Variants in WWOX observed in about 807,000 individuals in gnomAD.
WWOX encodes the protein WW domain-containing oxidoreductase.
A neutral mutation model predicts 46.2 loss-of-function variants in WWOX; 69 were observed. That is an observed-to-expected ratio of 1.49 (90% CI 1.23 to 1.82). The LOEUF (loss-of-function observed/expected upper bound fraction) is 1.82. WWOX is among the 40% of genes most tolerant of loss of function. The pLI is 0.00. For missense variants in WWOX, 919 were observed against 542.6 expected, an observed-to-expected ratio of 1.69 and a Z score of -6.89; for synonymous variants, 359 against 202.6, an observed-to-expected ratio of 1.77 and a Z score of -6.56.
At chr16:78,460,232 A>C (rs1223198416) in intron 8 of WWOX, among the ~76,000 whole-genome samples, 2 of 151,744 alleles carry the variant, frequency 1.3e-5, no homozygotes, top group African/African-American at 2.4e-5. Context: ...GATTCAAGAG[A>C]TTCTTGTGCC....
At chr16:79,199,125 C>T (rs552292752) in intron 8 of WWOX, among the ~76,000 whole-genome samples, 83 of 152,284 alleles carry the variant, frequency 5.5e-4, no homozygotes, top group African/African-American at 2.0e-3. Context: ...TGCAGTGGTG[C>T]AATCTTGGCT....
intron 5 of WWOX, among the ~76,000 whole-genome samples, chr16:78,233,310 TTTA>T (rs2037328734): frequency 8.1e-6 from 1 of 123,128 alleles, no homozygotes; most frequent in Non-Finnish European, 1.7e-5. Context: ...AAACAAATAT[TTTA>T]TTGTGGTAAA....
intron 5 of WWOX, among the ~76,000 whole-genome samples, chr16:78,258,966 G>A (rs2038206726): frequency 2.0e-5 from 3 of 152,264 alleles, no homozygotes; most frequent in Admixed American, 6.5e-5. Context: ...ACTAGTGCTC[G>A]CATATGGAAA....
chr16:79,194,270 T>C (rs889961446), intron 8 of WWOX, among the ~76,000 whole-genome samples: 3 of 152,214 alleles, frequency 2.0e-5, no homozygotes, highest in South Asian at 2.1e-4. Flanking sequence ...TGGATTGATA[T>C]ATTTTTCCTT....
At chr16:78,110,401 T>A (rs1183302818) in intron 3 of WWOX, among the ~76,000 whole-genome samples, 4 of 151,952 alleles carry the variant, frequency 2.6e-5, no homozygotes, top group Admixed American at 2.6e-4. Context: ...AACCTGCTTT[T>A]TCCATGTAAT....
At chr16:79,068,772 C>T (rs1597344213) in intron 8 of WWOX, among the ~76,000 whole-genome samples, 1 of 151,254 alleles carries the variant, frequency 6.6e-6, no homozygotes, top group Admixed American at 6.6e-5. Context: ...GACCTCACCA[C>T]TGCCCTGCAG....
chr16:78,100,165 C>A, intron 1 of WWOX: 3 of 1,290,404 alleles, frequency 2.3e-6, no homozygotes, highest in South Asian at 4.0e-5. Context: ...GCGGCCTCAT[C>A]CCCGCCAAAA....
At chr16:78,187,685 G>A (rs188029633) in intron 5 of WWOX, among the ~76,000 whole-genome samples, 47 of 152,336 alleles carry the variant, frequency 3.1e-4, no homozygotes, top group African/African-American at 1.1e-3. Context: ...ACTAGAAGGT[G>A]TGACATTGTG....
At chr16:78,554,560 G>C (rs961357860) in intron 8 of WWOX, among the ~76,000 whole-genome samples, 6 of 152,064 alleles carry the variant, frequency 3.9e-5, no homozygotes, top group African/African-American at 1.4e-4. Context: ...TACATATATT[G>C]TATGATACAT....
chr16:78,876,288 C>G (rs928337083), intron 8 of WWOX, among the ~76,000 whole-genome samples: 4 of 151,204 alleles, frequency 2.6e-5, no homozygotes, highest in Non-Finnish European at 5.9e-5. Flanking sequence ...ACCCATTGTA[C>G]TTTAGTCTAA....
intron 7 of WWOX, among the ~76,000 whole-genome samples, chr16:78,430,091 G>T (rs112234669): frequency 1.2e-4 from 18 of 152,170 alleles, no homozygotes; most frequent in African/African-American, 4.1e-4. Context: ...CACATGGCTG[G>T]GGAGGCCTCA....
chr16:78,596,010 A>C (rs560483232), intron 8 of WWOX, among the ~76,000 whole-genome samples: 1 of 152,328 alleles, frequency 6.6e-6, no homozygotes, highest in African/African-American at 2.4e-5. Flanking sequence ...GAGTGGGAAA[A>C]ATACTAAATG....
chr16:79,185,570 A>G (rs1029059571), intron 8 of WWOX, among the ~76,000 whole-genome samples: 4 of 152,148 alleles, frequency 2.6e-5, no homozygotes, highest in African/African-American at 9.7e-5. Flanking sequence ...AGCTCGCCGC[A>G]CAGATCTCAT....
chr16:79,112,211 A>T (rs1050149795), intron 8 of WWOX, among the ~76,000 whole-genome samples: 1 of 152,144 alleles, frequency 6.6e-6, no homozygotes, highest in African/African-American at 2.4e-5. Flanking sequence ...ATACATGCCA[A>T]ACAGACTCTT....
At position 78,342,284 on chromosome 16, in the gene WWOX, G is replaced by T. The variant is rs766928939; in HGVS notation, c.517-44576G>T. Among the ~76,000 whole-genome samples the T allele has an allele frequency of 2.5e-5, 3 of 120,520 alleles. 1 individual carries two copies. The highest frequency in any genetic ancestry group is 2.5e-4 in the South Asian group (1 of 4,062). The allele number at this position is 120,520 out of a possible 152,430, so 79.1% of individuals were successfully genotyped here. A position where few individuals can be genotyped will look rare whatever the true frequency, so the allele number is the denominator to read the frequency against. ...GTCTCATTATCTTCATACAACAAAC[G>T]CTGATTTGTTCCTTTCATTACATAT... On this transcript the variant is annotated intron_variant, in intron 5 of 8. Transcript: ENST00000566780.
intron 8 of WWOX, among the ~76,000 whole-genome samples, chr16:78,478,317 C>T (rs373978968): frequency 4.6e-5 from 7 of 152,158 alleles, no homozygotes; most frequent in Non-Finnish European, 7.4e-5. Flanking sequence ...TCTTCTCAGA[C>T]GGTTTAAAAT....
chr16:78,810,037 T>A (rs2051146005), intron 8 of WWOX, among the ~76,000 whole-genome samples: 1 of 152,192 alleles, frequency 6.6e-6, no homozygotes, highest in Non-Finnish European at 1.5e-5. Flanking sequence ...TGTTGAAGTT[T>A]CCATTTTTAT....
intron 5 of WWOX, among the ~76,000 whole-genome samples, chr16:78,316,821 C>G (rs546452942): frequency 1.3e-5 from 2 of 152,202 alleles, no homozygotes; most frequent in Non-Finnish European, 2.9e-5. Context: ...TTTTTCAATG[C>G]TGCTTTTTAA....
chr16:78,917,150 C>G lies in WWOX; in HGVS notation c.1057-294458C>G, dbSNP rs147486000. On this transcript the variant is annotated intron_variant, in intron 8 of 8. Transcript: ENST00000566780. ...ACGTGGCTGGGACAACATGCCCACTCTCAACCAATTTTTGTAGCCATGGAG... is the reference window on the plus strand; with the variant it reads ...ACGTGGCTGGGACAACATGCCCACTGTCAACCAATTTTTGTAGCCATGGAG... 5.5e-3 allele frequency among the ~76,000 whole-genome samples: 838 copies of G among 152,326 alleles called. 5 individuals carry two copies. Among genetic ancestry groups the G allele is most frequent in the Admixed American group, 0.011 (175 of 15,290 alleles).
Sources: allele counts gnomAD v4.1 joint callset (sites outside exome capture counted in the v4.1 genomes callset), GRCh38; gene constraint gnomAD v4.1.1; transcripts MANE v1.5; gene names NCBI Gene and HGNC (gene_info 2026-07-23, HGNC 2026-07-21).